UBE2E2: variants seen among roughly 807,000 people sequenced by gnomAD.
UBE2E2 encodes ubiquitin conjugating enzyme E2 E2, also known as ubiquitin-conjugating enzyme E2 E2.
In UBE2E2, 6 loss-of-function variants were observed where a neutral mutation model predicts 24.7. That is an observed-to-expected ratio of 0.24 (90% CI 0.13 to 0.48). The LOEUF is 0.48. Among genes scored for constraint, UBE2E2 ranks in the 20% least tolerant of loss-of-function variants. UBE2E2 has a pLI of 0.99. For synonymous variants in UBE2E2, 104 were observed against 83.6 expected (o/e 1.24, Z -1.33); for missense variants, 169 against 245.0 (o/e 0.69, Z 2.07).
chr3:23,222,610 A>G (rs990282561), intron 3 of UBE2E2, among the ~76,000 whole-genome samples: 1 of 152,170 alleles, frequency 6.6e-6, no homozygotes, highest in African/African-American at 2.4e-5. Flanking sequence ...CTTCACCATA[A>G]TTGTGAGGCC....
intron 3 of UBE2E2, among the ~76,000 whole-genome samples, chr3:23,222,358 T>C (rs1421121263): frequency 6.6e-6 from 1 of 152,170 alleles, no homozygotes; most frequent in Admixed American, 6.5e-5. Flanking sequence ...CTTTTTGATA[T>C]ATACTGATAT....
chr3:23,420,686 C>A (rs1053875730), intron 3 of UBE2E2, among the ~76,000 whole-genome samples: 3 of 152,114 alleles, frequency 2.0e-5, no homozygotes, highest in Non-Finnish European at 4.4e-5. Flanking sequence ...TGTAAAGAGG[C>A]AAGAATATTT....
chr3:23,411,494 G>A (rs756640971), intron 3 of UBE2E2, among the ~76,000 whole-genome samples: 2 of 152,184 alleles, frequency 1.3e-5, no homozygotes, highest in African/African-American at 4.8e-5. Context: ...GATAATTCGA[G>A]ACCTCACCTG....
At chr3:23,327,833 AG>A (rs1389839417) in intron 3 of UBE2E2, among the ~76,000 whole-genome samples, 1 of 152,162 alleles carries the variant, frequency 6.6e-6, no homozygotes, top group African/African-American at 2.4e-5. Context: ...GTTGTCTAGG[AG>A]TTTGTGAAGA....
intron 3 of UBE2E2, among the ~76,000 whole-genome samples, chr3:23,414,351 G>T (rs1697573164): frequency 6.6e-6 from 1 of 152,060 alleles, no homozygotes; most frequent in African/African-American, 2.4e-5. Flanking sequence ...ACTTGTTAAA[G>T]GTCCTGACAT....
At chr3:23,528,953 C>G (rs922226915) in intron 4 of UBE2E2, among the ~76,000 whole-genome samples, 2 of 152,200 alleles carry the variant, frequency 1.3e-5, no homozygotes, top group African/African-American at 4.8e-5. Context: ...CCGTGGAATA[C>G]TACTCATCAG....
chr3:23,364,500 A>G (rs1037601216), intron 3 of UBE2E2, among the ~76,000 whole-genome samples: 2 of 152,322 alleles, frequency 1.3e-5, no homozygotes, highest in Middle Eastern at 3.4e-3. Flanking sequence ...GAACACCTCT[A>G]TGCATGCAAA....
intron 3 of UBE2E2, among the ~76,000 whole-genome samples, chr3:23,459,059 T>C (rs1342651329): frequency 1.3e-5 from 2 of 152,220 alleles, no homozygotes; most frequent in Non-Finnish European, 2.9e-5. Context: ...TAGATCTCCA[T>C]TTGTGTTCAA....
intron 5 of UBE2E2, among the ~76,000 whole-genome samples, chr3:23,560,947 C>A (rs1695913077): frequency 6.6e-6 from 1 of 151,946 alleles, no homozygotes. Context: ...TGTTTGAGTT[C>A]TTTGTAGATT....
intron 3 of UBE2E2, among the ~76,000 whole-genome samples, chr3:23,411,848 T>G (rs1212342634): frequency 6.6e-6 from 1 of 152,220 alleles, no homozygotes; most frequent in Non-Finnish European, 1.5e-5. Context: ...ATAATTATTA[T>G]GTGTGATGAT....
At chr3:23,521,031 T>C (rs1048608996) in intron 4 of UBE2E2, among the ~76,000 whole-genome samples, 1 of 152,186 alleles carries the variant, frequency 6.6e-6, no homozygotes, top group Non-Finnish European at 1.5e-5. Context: ...TTCTAGCTAG[T>C]TTGACAAATA....
At chr3:23,517,556 TTGAACAAATACATGTCAA>T (rs1208725497) in intron 4 of UBE2E2, among the ~76,000 whole-genome samples, 2 of 152,204 alleles carry the variant, frequency 1.3e-5, no homozygotes, top group Non-Finnish European at 2.9e-5. Context: ...AATTTGTTTA[TTGAACAAATACATGTCAA>T]TATCCTCTTT....
intron 3 of UBE2E2, among the ~76,000 whole-genome samples, chr3:23,274,240 CAT>C (rs1698322893): frequency 2.0e-5 from 3 of 152,256 alleles, no homozygotes; most frequent in Admixed American, 1.3e-4. Flanking sequence ...TTATGAAACT[CAT>C]ATTGTTGAAG....
At chr3:23,252,046 T>C (rs1697589393) in intron 3 of UBE2E2, among the ~76,000 whole-genome samples, 1 of 152,202 alleles carries the variant, frequency 6.6e-6, no homozygotes, top group South Asian at 2.1e-4. Context: ...TATTTTTGAT[T>C]GTAGTAAGCT....
At chr3:23,510,558 AATC>A (rs1024861401) in intron 4 of UBE2E2, among the ~76,000 whole-genome samples, 6 of 152,060 alleles carry the variant, frequency 3.9e-5, no homozygotes, top group Admixed American at 3.9e-4. Flanking sequence ...AGTAAATTGA[AATC>A]ATGCCACTGC....
chr3:23,274,457 C>T (rs9826103), intron 3 of UBE2E2, among the ~76,000 whole-genome samples: 111,637 of 151,924 alleles, frequency 0.73, 41,388 homozygotes, highest in African/African-American at 0.83. Flanking sequence ...CCTAGCTCAG[C>T]AGATCCTCCT....
In UBE2E2 at chr3:23,398,003, T is replaced by C. The variant is rs145058669; in HGVS notation, c.228-101605T>C. On this transcript the variant is annotated intron_variant, in intron 3 of 5. Coordinates refer to ENST00000396703, the MANE Select transcript of UBE2E2 (RefSeq NM_152653.4). The stretch of plus-strand genomic sequence containing the variant: ...CACTTCTTACAATGTTGATTTCTAT[T>C]GTTCAGTTGAACTCAAAAGAAACTT... Among the ~76,000 whole-genome samples, 4 of 152,292 alleles carry C rather than the reference T, an allele frequency of 2.6e-5. No individual in the cohort carries two copies. In the East Asian group the frequency reaches 7.7e-4, roughly 29 times the overall value.
intron 5 of UBE2E2, among the ~76,000 whole-genome samples, chr3:23,567,274 G>C (rs757232769): frequency 3.9e-5 from 6 of 152,154 alleles, no homozygotes; most frequent in Non-Finnish European, 1.5e-5. Context: ...AAATAGAACT[G>C]CCCACTTACT....
At chr3:23,367,791 G>T (rs571925019) in intron 3 of UBE2E2, among the ~76,000 whole-genome samples, 1 of 152,310 alleles carries the variant, frequency 6.6e-6, no homozygotes, top group South Asian at 2.1e-4. Context: ...GGGCAGTCTT[G>T]TGGACTGAGC....
Sources: allele counts gnomAD v4.1 joint callset (sites outside exome capture counted in the v4.1 genomes callset), GRCh38; gene constraint gnomAD v4.1.1; transcripts MANE v1.5; gene names NCBI Gene and HGNC (gene_info 2026-07-23, HGNC 2026-07-21).